Variants in LPP observed in about 807,000 individuals in gnomAD.
LPP encodes lipoma-preferred partner.
Under a neutral mutation model 60.4 loss-of-function variants are expected in LPP, and 38 were observed. That is an observed-to-expected ratio of 0.63 (90% confidence interval 0.49 to 0.83). The LOEUF (loss-of-function observed/expected upper bound fraction) is 0.83. LPP is among the 40% of genes least tolerant of loss of function. The probability of loss-of-function intolerance (pLI) is 0.00; values close to 1 mark genes in which losing one functional copy is unlikely to be tolerated. For synonymous variants in LPP, 328 were observed against 290.8 expected (o/e 1.13, Z -1.30); for missense variants, 902 against 783.6 (o/e 1.15, Z -1.80).
intron 5 of LPP, among the ~76,000 whole-genome samples, chr3:188,521,529 C>T (rs1332540830): frequency 6.6e-6 from 1 of 151,994 alleles, no homozygotes; most frequent in Non-Finnish European, 1.5e-5. Flanking sequence ...TGTCTCTTTA[C>T]TAATACCCCA....
intron 4 of LPP, among the ~76,000 whole-genome samples, chr3:188,473,537 T>C (rs1452347107): frequency 6.6e-6 from 1 of 152,206 alleles, no homozygotes; most frequent in African/African-American, 2.4e-5. Context: ...CCAAAGATTC[T>C]GAATTAAGGA....
chr3:188,765,297 AACACACACACACACACACAC>A (rs60149759), intron 9 of LPP, among the ~76,000 whole-genome samples: 9 of 143,962 alleles, frequency 6.3e-5, no homozygotes, highest in South Asian at 2.3e-4. Context: ...TGTCTCACAC[AACACACACACACACACACAC>A]ACACACACAC....
At chr3:188,858,269 C>G (rs1041306532) in intron 9 of LPP, among the ~76,000 whole-genome samples, 19 of 152,138 alleles carry the variant, frequency 1.2e-4, no homozygotes, top group Non-Finnish European at 2.6e-4. Context: ...TAGTCTTAGT[C>G]TTCTCTGATA....
At chr3:188,534,791 A>T (rs1409683981) in intron 6 of LPP, among the ~76,000 whole-genome samples, 1 of 152,210 alleles carries the variant, frequency 6.6e-6, no homozygotes, top group Non-Finnish European at 1.5e-5. Context: ...ATCTCTAGAC[A>T]GAAGGTTGGA....
At chr3:188,292,137 G>A (rs947236807) in intron 2 of LPP, among the ~76,000 whole-genome samples, 6 of 152,128 alleles carry the variant, frequency 3.9e-5, no homozygotes, top group Admixed American at 3.3e-4. Context: ...AAAGCATTTC[G>A]TGAACCTTGC....
chr3:188,859,228 C>T lies in LPP; in HGVS notation c.1411-6972C>T, dbSNP rs137879650. ...ATTTGTTTCAGTGCAGGCTTATCTG[C>T]GACTCCTATAAGAGTATTAGATATT... On this transcript the variant is annotated intron_variant, in intron 9 of 11. Coordinates refer to ENST00000617246, the MANE Select transcript of LPP (RefSeq NM_001375462.1). 4.4e-3 allele frequency among the ~76,000 whole-genome samples: 674 copies of T among 151,898 alleles called. 11 individuals carry two copies. Among genetic ancestry groups the T allele is most frequent in the African/African-American group, 0.015 (604 of 41,402 alleles).
chr3:188,500,602 A>C (rs1811543403), intron 5 of LPP, among the ~76,000 whole-genome samples: 1 of 152,006 alleles, frequency 6.6e-6, no homozygotes, highest in Admixed American at 6.6e-5. Flanking sequence ...CTTCTTTTTA[A>C]TTTTTTGGAA....
At chr3:188,412,654 TC>T (rs1785181538) in intron 4 of LPP, among the ~76,000 whole-genome samples, 2 of 152,294 alleles carry the variant, frequency 1.3e-5, no homozygotes, top group Admixed American at 1.3e-4. Context: ...GTCTGATGTC[TC>T]CTTTAACTTC....
At chr3:188,728,303 G>A (rs1392956169) in intron 8 of LPP, among the ~76,000 whole-genome samples, 1 of 152,170 alleles carries the variant, frequency 6.6e-6, no homozygotes, top group Non-Finnish European at 1.5e-5. Context: ...AGAATGAAGA[G>A]TGACAATCAC....
At chr3:188,574,650 T>G (rs59035976) in intron 6 of LPP, among the ~76,000 whole-genome samples, 3,115 of 152,228 alleles carry the variant, frequency 0.02, 97 homozygotes, top group African/African-American at 0.069. Context: ...CTGAAAGTTG[T>G]TCTGTCAGTG....
chr3:188,194,924 T>G (rs1577220008), intron 1 of LPP, among the ~76,000 whole-genome samples: 1 of 152,140 alleles, frequency 6.6e-6, no homozygotes, highest in African/African-American at 2.4e-5. Flanking sequence ...TCAGTGGTAG[T>G]CTTCTGACTA....
chr3:188,415,875 G>T (rs1419083585), intron 4 of LPP, among the ~76,000 whole-genome samples: 2 of 152,012 alleles, frequency 1.3e-5, no homozygotes, highest in Non-Finnish European at 2.9e-5. Context: ...ATGATTACAT[G>T]AATCTATACA....
intron 4 of LPP, among the ~76,000 whole-genome samples, chr3:188,427,560 C>T (rs543148398): frequency 6.6e-5 from 10 of 152,248 alleles, no homozygotes; most frequent in Non-Finnish European, 1.3e-4. Context: ...GAATGTTGGC[C>T]TGTCTTCCTG....
intron 7 of LPP, among the ~76,000 whole-genome samples, chr3:188,703,504 A>G (rs77743477): frequency 1.3e-5 from 2 of 152,300 alleles, no homozygotes; most frequent in South Asian, 2.1e-4. Flanking sequence ...GTGTTTCTCC[A>G]TGGTGTATTC....
At chr3:188,440,575 C>T (rs9855436) in intron 4 of LPP, among the ~76,000 whole-genome samples, 17 of 152,328 alleles carry the variant, frequency 1.1e-4, no homozygotes, top group African/African-American at 4.1e-4. Context: ...TTCTTGCATG[C>T]TTGCTGACAA....
chr3:188,431,964 A>G (rs1223725150), intron 4 of LPP, among the ~76,000 whole-genome samples: 1 of 152,152 alleles, frequency 6.6e-6, no homozygotes. Flanking sequence ...TTCTAAGCTA[A>G]TATCCTTACA....
At chr3:188,764,080 A>T (rs984705842) in intron 9 of LPP, among the ~76,000 whole-genome samples, 20 of 152,238 alleles carry the variant, frequency 1.3e-4, no homozygotes, top group East Asian at 3.9e-4. Context: ...AAAATCAATG[A>T]GATGCTTTTC....
intron 4 of LPP, among the ~76,000 whole-genome samples, chr3:188,414,243 A>G (rs1443270484): frequency 6.6e-6 from 1 of 152,140 alleles, no homozygotes; most frequent in Non-Finnish European, 1.5e-5. Flanking sequence ...AAATACTTTA[A>G]TATAGGTTAA....
chr3:188,318,423 A>C (rs1476159799), intron 2 of LPP, among the ~76,000 whole-genome samples: 4 of 151,414 alleles, frequency 2.6e-5, no homozygotes, highest in East Asian at 3.9e-4. Flanking sequence ...AAAAACAAAA[A>C]AAAAAAAGAA....
Sources: allele counts gnomAD v4.1 joint callset (sites outside exome capture counted in the v4.1 genomes callset), GRCh38; gene constraint gnomAD v4.1.1; transcripts MANE v1.5; gene names NCBI Gene and HGNC (gene_info 2026-07-23, HGNC 2026-07-21).